The following RARB variants were observed in gnomAD, a reference collection of about 807,000 sequenced individuals.
RARB encodes the protein HBV-activated protein.
RARB carries 17 observed loss-of-function variants against 51.9 expected under a neutral mutation model. That is an observed-to-expected ratio of 0.33 (90% CI 0.22 to 0.49). The LOEUF is 0.49. Among genes scored for constraint, RARB ranks in the 20% least tolerant of loss-of-function variants. The pLI is 0.99. For synonymous variants in RARB, 215 were observed against 195.4 expected, an observed-to-expected ratio of 1.10 and a Z score of -0.84; for missense variants, 369 against 550.8, an observed-to-expected ratio of 0.67 and a Z score of 3.30.
chr3:24,857,704 T>TA (rs1702660134), intron 1 of RARB, among the ~76,000 whole-genome samples: 1 of 152,100 alleles, frequency 6.6e-6, no homozygotes, highest in African/African-American at 2.4e-5. Context: ...TCATTGAGCG[T>TA]AGGAGTTCAA....
intron 5 of RARB, among the ~76,000 whole-genome samples, chr3:25,338,795 G>A (rs1398008089): frequency 6.6e-6 from 1 of 152,134 alleles, no homozygotes; most frequent in Non-Finnish European, 1.5e-5. Flanking sequence ...TTAAAATACT[G>A]AAATATTTGT....
At chr3:25,384,438 GT>G (rs1459328674) in intron 5 of RARB, among the ~76,000 whole-genome samples, 5 of 152,194 alleles carry the variant, frequency 3.3e-5, no homozygotes, top group African/African-American at 1.2e-4. Flanking sequence ...AAAGGCTTGT[GT>G]TTAGAATTAT....
intron 2 of RARB, among the ~76,000 whole-genome samples, chr3:25,500,634 G>A (rs1409787771): frequency 6.6e-6 from 1 of 151,424 alleles, no homozygotes; most frequent in African/African-American, 2.4e-5. Flanking sequence ...ACGCACAACT[G>A]TGCCTGCTAA....
chr3:25,055,710 T>G (rs570251098), intron 2 of RARB, among the ~76,000 whole-genome samples: 2 of 152,160 alleles, frequency 1.3e-5, no homozygotes, highest in East Asian at 3.9e-4. Flanking sequence ...CGTAGTTACA[T>G]AGAGAGTAAC....
intron 2 of RARB, among the ~76,000 whole-genome samples, chr3:25,055,770 C>T (rs185216312): frequency 6.6e-5 from 10 of 152,106 alleles, no homozygotes; most frequent in East Asian, 1.9e-4. Context: ...GGGCATACCC[C>T]GGAATCATCA....
intron 4 of RARB, among the ~76,000 whole-genome samples, chr3:25,163,518 T>A (rs367845330): frequency 0.23 from 10,918 of 46,712 alleles, 720 homozygotes; most frequent in South Asian, 0.39. Context: ...TATATATATA[T>A]ATATATATAT....
At chr3:25,479,799 C>G (rs988344802) in intron 2 of RARB, among the ~76,000 whole-genome samples, 2 of 152,196 alleles carry the variant, frequency 1.3e-5, no homozygotes, top group African/African-American at 4.8e-5. Flanking sequence ...TTCAACCCCT[C>G]TTCTACTGGA....
chr3:24,992,072 G>C (rs1696924633), intron 2 of RARB, among the ~76,000 whole-genome samples: 1 of 152,104 alleles, frequency 6.6e-6, no homozygotes, highest in African/African-American at 2.4e-5. Context: ...CTCCAGCAGG[G>C]CTCTGACACC....
At chr3:25,099,476 G>A (rs1278435034) in intron 3 of RARB, among the ~76,000 whole-genome samples, 1 of 151,978 alleles carries the variant, frequency 6.6e-6, no homozygotes, top group African/African-American at 2.4e-5. Flanking sequence ...GGGGGAAAAA[G>A]TTCATCTGAA....
chr3:25,025,430 C>G (rs1245176617), intron 2 of RARB, among the ~76,000 whole-genome samples: 1 of 152,098 alleles, frequency 6.6e-6, no homozygotes, highest in African/African-American at 2.4e-5. Context: ...CCTGGGGGAC[C>G]TACATTTCTG....
chr3:25,185,597 A>G (rs1291567473), intron 5 of RARB, among the ~76,000 whole-genome samples: 1 of 152,130 alleles, frequency 6.6e-6, no homozygotes, highest in Non-Finnish European at 1.5e-5. Flanking sequence ...AAAGAACTCT[A>G]CACTTAAGAA....
At chr3:24,870,813 A>G (rs1391129517) in intron 2 of RARB, among the ~76,000 whole-genome samples, 1 of 152,128 alleles carries the variant, frequency 6.6e-6, no homozygotes, top group Non-Finnish European at 1.5e-5. Flanking sequence ...ATAGGCATAC[A>G]ATGTGTGATA....
intron 2 of RARB, among the ~76,000 whole-genome samples, chr3:25,004,212 T>TGTA (rs1203574636): frequency 6.6e-6 from 1 of 152,122 alleles, no homozygotes. Flanking sequence ...TTGTCCAGGT[T>TGTA]GTAGTCACTT....
intron 2 of RARB, among the ~76,000 whole-genome samples, chr3:24,959,124 C>T (rs1272295806): frequency 1.3e-5 from 2 of 152,228 alleles, no homozygotes; most frequent in African/African-American, 2.4e-5. Context: ...ATATGGACAG[C>T]TTAAGTGGTA....
In RARB at chr3:25,092,654, GA is replaced by G. The variant is rs1343505040; in HGVS notation, c.-328+32479del. Among the ~76,000 whole-genome samples the G allele has an allele frequency of 3.9e-5, 6 of 152,082 alleles. No homozygotes were observed. In the East Asian group the frequency reaches 1.2e-3, roughly 29 times the overall value. Reference sequence around the variant, plus strand: ...TTTTTTTCCAGAAAAGAATGTGGGAGATTTTTTTAATTGTGCAGAAATTTTG... The same window carrying G: ...TTTTTTTCCAGAAAAGAATGTGGGAGTTTTTTTAATTGTGCAGAAATTTTG... On this transcript the variant is annotated intron_variant, in intron 3 of 11. Coordinates refer to the RARB transcript ENST00000383772.
chr3:24,975,219 T>G (rs1392430467), intron 2 of RARB, among the ~76,000 whole-genome samples: 2 of 152,168 alleles, frequency 1.3e-5, no homozygotes, highest in African/African-American at 2.4e-5. Flanking sequence ...AAGTAGCATG[T>G]GCTGATAATT....
intron 1 of RARB, among the ~76,000 whole-genome samples, chr3:24,855,615 A>G (rs1054360826): frequency 6.6e-6 from 1 of 152,190 alleles, no homozygotes; most frequent in African/African-American, 2.4e-5. Flanking sequence ...CACTTAGCAC[A>G]TTACATTGAT....
In RARB at chr3:25,207,429, C is replaced by T. The variant is rs542295413; in HGVS notation, c.178+32854C>T. On this transcript the variant is annotated intron_variant, in intron 5 of 11. Coordinates refer to the RARB transcript ENST00000383772. ...GACATGTAGTCACATCTTATCTTTC[C>T]TGTTTTAATGTGCTGCTTATATATT... 5.3e-5 allele frequency among the ~76,000 whole-genome samples: 8 copies of T among 152,278 alleles called. No individual in the cohort carries two copies. The East Asian group carries it at 1.5e-3, about 29-fold the overall frequency.
chr3:25,260,810 T>A (rs1344585850), intron 5 of RARB, among the ~76,000 whole-genome samples: 3 of 152,184 alleles, frequency 2.0e-5, no homozygotes, highest in African/African-American at 7.2e-5. Flanking sequence ...GCAAGTTGAT[T>A]AACTTTGCTG....
Sources: allele counts gnomAD v4.1 joint callset (sites outside exome capture counted in the v4.1 genomes callset), GRCh38; gene constraint gnomAD v4.1.1; transcripts MANE v1.5; gene names NCBI Gene and HGNC (gene_info 2026-07-23, HGNC 2026-07-21).